The following RANBP2 variants were observed in gnomAD, a reference collection of about 807,000 sequenced individuals.
The protein encoded by RANBP2 is RAN binding protein 2, also known as E3 SUMO-protein ligase RanBP2.
In RANBP2, 57 loss-of-function variants were observed where a neutral mutation model predicts 303.6. The ratio of observed to expected loss-of-function variants is 0.19; its 90% CI spans 0.15 to 0.23. The LOEUF is 0.23. Ranked by LOEUF, RANBP2 falls within the 10% of genes least tolerant of loss-of-function variation. RANBP2 has a pLI of 1.00. For synonymous variants in RANBP2, 1,167 were observed against 1,301.5 expected, an observed-to-expected ratio of 0.90 and a Z score of 2.23; for missense variants, 3,138 against 3,780.8, an observed-to-expected ratio of 0.83 and a Z score of 4.46.
the RANBP2 span, among the ~76,000 whole-genome samples, chr2:109,714,539 A>G: frequency 1.3e-5 from 2 of 152,020 alleles, no homozygotes; most frequent in African/African-American, 4.8e-5. Context: ...TGACCTCGTA[A>G]TCTGCCTACC....
chr2:108,745,214 A>C (rs1696417597), intron 7 of RANBP2, among the ~76,000 whole-genome samples: 1 of 145,884 alleles, frequency 6.9e-6, no homozygotes, highest in African/African-American at 2.5e-5. Flanking sequence ...ATATCTGTGC[A>C]TTTATAATTT....
chr2:109,434,013 G>A, the RANBP2 span, among the ~76,000 whole-genome samples: 1 of 152,200 alleles, frequency 6.6e-6, no homozygotes, highest in African/African-American at 2.4e-5. Context: ...GAAGGTCTCT[G>A]GTCTGGATTT....
the RANBP2 span, among the ~76,000 whole-genome samples, chr2:108,823,138 C>G: frequency 6.6e-6 from 1 of 152,124 alleles, no homozygotes; most frequent in African/African-American, 2.4e-5. Flanking sequence ...ATTAGTATCA[C>G]TAATTACAAA....
At chr2:109,606,465 C>T in the RANBP2 span, among the ~76,000 whole-genome samples, 1 of 151,958 alleles carries the variant, frequency 6.6e-6, no homozygotes, top group South Asian at 2.1e-4. Context: ...AAGTACTTGC[C>T]ATGGTGAATG....
At chr2:109,499,422 C>T in the RANBP2 span, among the ~76,000 whole-genome samples, 166 of 152,336 alleles carry the variant, frequency 1.1e-3, no homozygotes, top group African/African-American at 3.4e-3. Context: ...TTTAGATGTG[C>T]GGTCCAACAC....
At chr2:109,750,817 G>A in the RANBP2 span, among the ~76,000 whole-genome samples, 6 of 39,094 alleles carry the variant, frequency 1.5e-4, no homozygotes, top group Non-Finnish European at 1.4e-4. Context: ...TCCACCTCCC[G>A]AATTCAAGTG....
the RANBP2 span, among the ~76,000 whole-genome samples, chr2:109,083,366 A>G: frequency 6.6e-6 from 1 of 152,082 alleles, no homozygotes; most frequent in Non-Finnish European, 1.5e-5. Flanking sequence ...TTCCCTAAGT[A>G]CCTCATATTA....
chr2:109,002,873 G>T, the RANBP2 span, among the ~76,000 whole-genome samples: 1 of 152,092 alleles, frequency 6.6e-6, no homozygotes, highest in Non-Finnish European at 1.5e-5. Context: ...TACCTATGAA[G>T]TTCATGCCTC....
the RANBP2 span, among the ~76,000 whole-genome samples, chr2:108,853,852 C>CTA: frequency 1.6e-5 from 2 of 121,556 alleles, no homozygotes; most frequent in East Asian, 2.2e-4. Flanking sequence ...TATATATATA[C>CTA]TATATATATA....
rs200707425 is a variant in RANBP2 at position 108,751,375 on chromosome 2, A to T, written c.1385A>T (p.His462Leu). Residue 462 changes from histidine to leucine, a missense_variant, in exon 10 of 29, where the codon CAT (histidine) becomes CTT (leucine). Coordinates refer to ENST00000283195, the MANE Select transcript of RANBP2 (RefSeq NM_006267.5). ...CGAAAATGGCTAAAACAGCTTTTCC[A>T]TCATTTGCCCCATGAAACCTCAAGG... ...GIRKWLKQLFHHLPHETSRLE... is the reference protein window; with the variant it reads ...GIRKWLKQLFLHLPHETSRLE... 12 of 1,611,924 alleles carry T rather than the reference A, an allele frequency of 7.4e-6. No individual in the cohort carries two copies. Among genetic ancestry groups the T allele is most frequent in the Non-Finnish European group, 9.3e-6 (11 of 1,179,862 alleles).
intron 6 of RANBP2, among the ~76,000 whole-genome samples, chr2:108,737,827 C>G (rs952636383): frequency 1.1e-4 from 16 of 150,240 alleles, no homozygotes; most frequent in African/African-American, 3.9e-4. Context: ...CATTCTTCTG[C>G]CTCAGCCTCC....
At chr2:109,126,839 A>T in the RANBP2 span, among the ~76,000 whole-genome samples, 1 of 152,238 alleles carries the variant, frequency 6.6e-6, no homozygotes, top group Non-Finnish European at 1.5e-5. Flanking sequence ...CAAAAGCACC[A>T]GGGCATGTCG....
the RANBP2 span, among the ~76,000 whole-genome samples, chr2:109,112,674 T>G: frequency 5.6e-3 from 849 of 152,294 alleles, 13 homozygotes; most frequent in African/African-American, 0.02. Context: ...TTTGTTGCCA[T>G]TGCTTTTGGT....
At chr2:109,366,478 G>GGCA in the RANBP2 span, among the ~76,000 whole-genome samples, 20,347 of 152,164 alleles carry the variant, frequency 0.13, 1,484 homozygotes, top group Middle Eastern at 0.24. Flanking sequence ...GAATGTATGT[G>GGCA]TGCATATATA....
chr2:109,614,364 A>G, the RANBP2 span: 1 of 799,154 alleles, frequency 1.3e-6, no homozygotes, highest in South Asian at 6.4e-5. Flanking sequence ...CTCTGGCCTC[A>G]GACGCGTAGG....
the RANBP2 span, among the ~76,000 whole-genome samples, chr2:109,112,167 C>G: frequency 5.9e-5 from 9 of 151,662 alleles, no homozygotes; most frequent in East Asian, 1.2e-3. Flanking sequence ...ATGGCTGGGT[C>G]AAATGGTATT....
At chr2:108,802,904 T>G in the RANBP2 span, among the ~76,000 whole-genome samples, 2 of 152,244 alleles carry the variant, frequency 1.3e-5, no homozygotes, top group African/African-American at 4.8e-5. Flanking sequence ...GTTTTTGTCT[T>G]TGGCTCTGTT....
chr2:109,031,295 G>A, the RANBP2 span, among the ~76,000 whole-genome samples: 2 of 152,198 alleles, frequency 1.3e-5, no homozygotes, highest in Admixed American at 6.5e-5. Flanking sequence ...GGCTGACTCA[G>A]CACAGATGGG....
the RANBP2 span, among the ~76,000 whole-genome samples, chr2:108,808,891 C>T: frequency 4.6e-4 from 70 of 152,198 alleles, no homozygotes; most frequent in South Asian, 1.0e-3. Flanking sequence ...AGTATCTTTG[C>T]CCAGGCGATT....
Sources: gnomAD v4.1 joint callset for allele counts (sites outside exome capture counted in the v4.1 genomes callset) on GRCh38, gnomAD v4.1.1 for gene constraint, MANE v1.5 for transcripts, NCBI Gene and HGNC (gene_info 2026-07-23, HGNC 2026-07-21) for gene names.